Variants in ADH6 observed in about 807,000 individuals in gnomAD.
The protein encoded by ADH6 is alcohol dehydrogenase 6 (class V).
A neutral mutation model predicts 36.5 loss-of-function variants in ADH6; 34 were observed. The observed-to-expected ratio is 0.93, with a 90% CI of 0.71 to 1.24. The LOEUF is 1.24. ADH6 is among the 50% of genes most tolerant of loss of function. The pLI, the probability that ADH6 is intolerant of heterozygous loss-of-function variation, is 0.00. For missense variants in ADH6, 440 were observed against 447.0 expected (o/e 0.98, Z 0.14); for synonymous variants, 161 against 155.5 (o/e 1.04, Z -0.26).
chr4:99,206,857 A>G (rs765971099), intron 7 of ADH6, among the ~76,000 whole-genome samples: 4 of 152,138 alleles, frequency 2.6e-5, no homozygotes, highest in African/African-American at 4.8e-5. Flanking sequence ...TACTTTTTCA[A>G]TAAAATAGTC....
Position 99,212,724 on chromosome 4 carries a change from T to TAC in ADH6, c.262+880_262+881dup, listed in dbSNP as rs571973997. Among the ~76,000 whole-genome samples the TAC allele has an allele frequency of 8.9e-3, 1,346 of 151,984 alleles. 3 individuals are homozygous for TAC. The highest frequency in any genetic ancestry group is 0.016 in the Non-Finnish European group (1,063 of 67,924). On this transcript the variant is annotated intron_variant, in intron 3 of 8. Transcript: ENST00000394899. ...TGTTTAAAGCATTCATATATATATA[T>TAC]ACACACACATATATGTGTATATATA... is the stretch of plus-strand genomic sequence containing the variant.
intron 7 of ADH6, 116 bp from the exon 8 acceptor site, chr4:99,205,179 G>A (rs1487506600): frequency 3.6e-6 from 4 of 1,123,492 alleles, no homozygotes; most frequent in African/African-American, 1.6e-5. Flanking sequence ...AGCCTGTCCC[G>A]TTTACTTGCC....
rs1168933712 is a variant in ADH6, at chr4:99,202,641, G to A, written c.*1578C>T. On this transcript the variant is annotated 3_prime_UTR_variant, in exon 9 of 9. Transcript: ENST00000394899. ...ACACCATAACAAGACATTCAAAGTG[G>A]CTTAAGGAACCGAGCTTTATTGGAG... The A allele has an allele frequency of 2.5e-6, 1 of 397,240 alleles. No individual in the cohort carries two copies. The highest frequency in any genetic ancestry group is 4.4e-6 in the Non-Finnish European group (1 of 225,144). The allele number at this position is 397,240 out of a possible 1,614,324, so 24.6% of individuals were successfully genotyped here.
chr4:99,215,567 C>T (rs1456755982), intron 2 of ADH6, among the ~76,000 whole-genome samples: 3 of 152,176 alleles, frequency 2.0e-5, no homozygotes, highest in South Asian at 2.1e-4. Flanking sequence ...AAACTGTTCT[C>T]ATCTCCTGCA....
At chr4:99,215,626 G>C (rs965170665) in intron 2 of ADH6, among the ~76,000 whole-genome samples, 1 of 152,130 alleles carries the variant, frequency 6.6e-6, no homozygotes, top group African/African-American at 2.4e-5. Context: ...GGATTACAGG[G>C]ATGAGCTATC....
intron 3 of ADH6, among the ~76,000 whole-genome samples, chr4:99,213,368 T>C (rs1410388714): frequency 6.6e-6 from 1 of 152,184 alleles, no homozygotes; most frequent in African/African-American, 2.4e-5. Context: ...TACTTTCAAG[T>C]CCAGTTTCAG....
At chr4:99,212,206 C>T (rs1228547959) in intron 3 of ADH6, among the ~76,000 whole-genome samples, 1 of 152,074 alleles carries the variant, frequency 6.6e-6, no homozygotes, top group Non-Finnish European at 1.5e-5. Flanking sequence ...TTACATATTG[C>T]TGCATTTAGA....
At chr4:99,212,492 A>G (rs1041021639) in intron 3 of ADH6, among the ~76,000 whole-genome samples, 5 of 152,128 alleles carry the variant, frequency 3.3e-5, no homozygotes, top group African/African-American at 1.2e-4. Context: ...AACATTTGAA[A>G]TGTATACTCT....
rs767520484 is a variant in ADH6 at position 99,213,688 on chromosome 4, G to A, written c.180C>T (p.Asp60=). The A allele has an allele frequency of 1.2e-6, 2 of 1,613,868 alleles. No homozygotes were observed. The highest frequency in any genetic ancestry group is 1.7e-6 in the Non-Finnish European group (2 of 1,179,890). Residue 60 remains aspartate, a synonymous_variant, in exon 3 of 9, where the codon GAC becomes GAT. Transcript: ENST00000394899. ...GGCCCAAGATGGTGGGATACAAGAG[G>A]TCCAAGTGTTTACTCCCCAACACTT... ...EMKVLGSKHL[D]LLYPTILGHE...
At position 99,219,218 on chromosome 4, in the gene ADH6, GAAAGTAC is replaced by G; in HGVS notation, c.-73_-67del. Reference sequence around the variant, plus strand: ...AGATCCTGTAGCAACTTTCACTGTAGAAAGTACAAAGGTACACAGGCGACTGGTAGAT... The same window carrying G: ...AGATCCTGTAGCAACTTTCACTGTAGAAAGGTACACAGGCGACTGGTAGAT... On this transcript the variant is annotated 5_prime_UTR_variant, in exon 1 of 9. Coordinates refer to ENST00000394899, the MANE Select transcript of ADH6 (RefSeq NM_001102470.2). The G allele has an allele frequency of 6.7e-7, 1 of 1,484,934 alleles. No individual in the cohort carries two copies. The highest frequency in any genetic ancestry group is 9.4e-7 in the Non-Finnish European group (1 of 1,063,882). The allele number at this position is 1,484,934 out of a possible 1,614,324, so 92.0% of individuals were successfully genotyped here.
At chr4:99,208,537 C>A in intron 6 of ADH6, 131 bp downstream of exon 6, 1 of 1,040,006 alleles carries the variant, frequency 9.6e-7, no homozygotes, top group East Asian at 2.4e-5. Context: ...ACGGCACCAG[C>A]TGAGATGTCA....
intron 7 of ADH6, among the ~76,000 whole-genome samples, chr4:99,206,673 TA>T (rs1731047805): frequency 6.6e-6 from 1 of 152,060 alleles, no homozygotes; most frequent in Non-Finnish European, 1.5e-5. Flanking sequence ...ACTTGGGGAC[TA>T]CAGACAGCTC....
chr4:99,217,563 G>A (rs527761143), intron 1 of ADH6, among the ~76,000 whole-genome samples: 17 of 152,006 alleles, frequency 1.1e-4, no homozygotes, highest in African/African-American at 2.9e-4. Flanking sequence ...TCTTTTTTAC[G>A]GCTGAATAGT....
rs28720157 is a variant in ADH6, at chr4:99,207,322, GA to G, written c.964+123del. 8,760 of 1,238,676 alleles carry G rather than the reference GA, an allele frequency of 7.1e-3. 295 individuals carry two copies. The African/African-American group carries it at 0.096, about 14-fold the overall frequency. The allele number at this position is 1,238,676 out of a possible 1,614,324, so 76.7% of individuals were successfully genotyped here. ...CCTTTATATTGGGTATTCATATGTT[GA>G]AAAAAAAAATCTGTAATATAAAGCT... is the stretch of plus-strand genomic sequence containing the variant. On this transcript the variant is annotated intron_variant, in intron 7 of 8. Transcript: ENST00000394899.
rs914556859 is a variant in ADH6, at chr4:99,203,244, G to C, written c.*975C>G. The C allele has an allele frequency of 1.3e-5, 2 of 153,584 alleles. No individual in the cohort carries two copies. Among genetic ancestry groups the C allele is most frequent in the African/African-American group, 4.8e-5 (2 of 41,472 alleles). The allele number at this position is 153,584 out of a possible 1,614,324, so 9.5% of individuals were successfully genotyped here. ...AGGAAGGGAACTCTTGTGTGTATGA[G>C]GGTTGGTAATAGGCTCTTTTTGTAT... On this transcript the variant is annotated 3_prime_UTR_variant, in exon 9 of 9. Transcript: ENST00000394899.
intron 8 of ADH6, chr4:99,204,501 A>C: frequency 7.7e-7 from 1 of 1,299,960 alleles, no homozygotes. Flanking sequence ...TTTTTGGGTC[A>C]AAGATAGGAT....
At chr4:99,211,801 C>A (rs1412143039) in intron 3 of ADH6, among the ~76,000 whole-genome samples, 1 of 152,094 alleles carries the variant, frequency 6.6e-6, no homozygotes, top group African/African-American at 2.4e-5. Context: ...TGCTTCGAGG[C>A]TGGAAGGTGC....
intron 7 of ADH6, 64 bp from the exon 8 acceptor site, chr4:99,205,127 A>G: frequency 1.4e-6 from 2 of 1,474,016 alleles, no homozygotes; most frequent in Non-Finnish European, 1.8e-6. Flanking sequence ...AAGGTCATTC[A>G]AAGTAACTGC....
chr4:99,204,309 C>T, intron 8 of ADH6, 66 bp from the exon 9 acceptor site: 3 of 1,580,726 alleles, frequency 1.9e-6, no homozygotes, highest in Non-Finnish European at 2.6e-6. Context: ...TTTTGGATTT[C>T]AAATTCTCAC....
Sources: allele counts gnomAD v4.1 joint callset (sites outside exome capture counted in the v4.1 genomes callset), GRCh38; gene constraint gnomAD v4.1.1; transcripts MANE v1.5; gene names NCBI Gene and HGNC (gene_info 2026-07-23, HGNC 2026-07-21).